DENND5B: variants seen among roughly 807,000 people sequenced by gnomAD.
The protein encoded by DENND5B is DENN domain containing 5B, also known as DENN domain-containing protein 5B.
DENND5B carries 34 observed loss-of-function variants against 140.6 expected under a neutral mutation model. That is an observed-to-expected ratio of 0.24 (90% CI 0.18 to 0.32). The LOEUF is 0.32. Ranked by LOEUF, DENND5B falls within the 10% of genes least tolerant of loss-of-function variation. The pLI, the probability that DENND5B is intolerant of heterozygous loss-of-function variation, is 1.00. For missense variants in DENND5B, 1,142 were observed against 1,560.2 expected, an observed-to-expected ratio of 0.73 and a Z score of 4.52; for synonymous variants, 551 against 562.1, an observed-to-expected ratio of 0.98 and a Z score of 0.28.
At chr12:31,498,986 AAAAAG>A (rs1183362407) in intron 1 of DENND5B, among the ~76,000 whole-genome samples, 2 of 146,486 alleles carry the variant, frequency 1.4e-5, no homozygotes, top group African/African-American at 2.7e-5. Flanking sequence ...AAAAAAAAAA[AAAAAG>A]AGAATTTAGA....
intron 7 of DENND5B, among the ~76,000 whole-genome samples, chr12:31,441,577 G>A (rs1166732411): frequency 1.3e-5 from 2 of 152,006 alleles, no homozygotes; most frequent in African/African-American, 4.8e-5. Flanking sequence ...CAACTCCTGG[G>A]CTCAAGTGAT....
intron 8 of DENND5B, chr12:31,431,967 A>T (rs1943529855): frequency 1.4e-6 from 1 of 717,414 alleles, no homozygotes; most frequent in South Asian, 6.3e-5. Flanking sequence ...GCACTCACAC[A>T]TGTGTAACAT....
chr12:31,469,856 G>A (rs1055435470), intron 3 of DENND5B, among the ~76,000 whole-genome samples: 3 of 152,070 alleles, frequency 2.0e-5, no homozygotes, highest in Non-Finnish European at 4.4e-5. Flanking sequence ...ATGTGATTCT[G>A]GCTCCCCTTC....
intron 1 of DENND5B, among the ~76,000 whole-genome samples, chr12:31,505,442 G>C (rs1227299442): frequency 2.6e-5 from 4 of 151,966 alleles, no homozygotes; most frequent in African/African-American, 9.7e-5. Flanking sequence ...TCATTATTTT[G>C]GCCAGGCTGG....
chr12:31,429,415 A>AT (rs1467903986), intron 8 of DENND5B, among the ~76,000 whole-genome samples: 1 of 151,844 alleles, frequency 6.6e-6, no homozygotes, highest in East Asian at 1.9e-4. Flanking sequence ...TATTATTATT[A>AT]TTTTTTTTCT....
chr12:31,579,913 T>C (rs1013501314), intron 1 of DENND5B, among the ~76,000 whole-genome samples: 1 of 151,564 alleles, frequency 6.6e-6, no homozygotes, highest in Non-Finnish European at 1.5e-5. Flanking sequence ...AGTCAAGCCT[T>C]AGGTAGAACA....
At chr12:31,458,192 AC>A (rs1389749243) in intron 4 of DENND5B, among the ~76,000 whole-genome samples, 1 of 152,212 alleles carries the variant, frequency 6.6e-6, no homozygotes, top group African/African-American at 2.4e-5. Flanking sequence ...GTGGATACAA[AC>A]AGGCATAGAG....
intron 1 of DENND5B, among the ~76,000 whole-genome samples, chr12:31,558,250 A>G (rs1009148859): frequency 6.6e-6 from 1 of 152,106 alleles, no homozygotes; most frequent in Non-Finnish European, 1.5e-5. Context: ...CCTTATACAT[A>G]TATGAATCAG....
chr12:31,480,611 T>C (rs1272986717), intron 2 of DENND5B, among the ~76,000 whole-genome samples: 1 of 152,148 alleles, frequency 6.6e-6, no homozygotes. Flanking sequence ...TTATCTACAA[T>C]AGTTGCTGTA....
chr12:31,508,283 A>G (rs1310267259), intron 1 of DENND5B, among the ~76,000 whole-genome samples: 3 of 152,172 alleles, frequency 2.0e-5, no homozygotes, highest in Non-Finnish European at 2.9e-5. Context: ...GCCAATACAT[A>G]CTATCACCAA....
At chr12:31,387,951 T>C (rs1292878181) in intron 20 of DENND5B, among the ~76,000 whole-genome samples, 165 bp from the exon 21 acceptor site, 1 of 152,108 alleles carries the variant, frequency 6.6e-6, no homozygotes. Flanking sequence ...AGTTGAATAT[T>C]TTCTGGTAAA....
Position 31,413,427 on chromosome 12 carries a change from G to A in DENND5B, c.2681+9C>T, listed in dbSNP as rs1942569557. The A allele has an allele frequency of 6.2e-7, 1 of 1,608,026 alleles. No individual in the cohort carries two copies. The highest frequency in any genetic ancestry group is 1.3e-5 in the African/African-American group (1 of 74,644). On this transcript the variant is annotated intron_variant, in intron 13 of 20. Coordinates refer to ENST00000389082, the MANE Select transcript of DENND5B (RefSeq NM_144973.4). ...TAGAAACAGAAATGTATCAAAGATG[G>A]TATCTTACTTGGTGAGTGGTTGGTT... is the stretch of plus-strand genomic sequence containing the variant.
At chr12:31,438,133 G>A (rs1943860858) in intron 7 of DENND5B, among the ~76,000 whole-genome samples, 1 of 152,092 alleles carries the variant, frequency 6.6e-6, no homozygotes, top group African/African-American at 2.4e-5. Context: ...CAGCCACCGT[G>A]CCCGGCTAAT....
chr12:31,586,856 T>A (rs906146988), intron 1 of DENND5B, among the ~76,000 whole-genome samples: 2 of 152,176 alleles, frequency 1.3e-5, no homozygotes, highest in East Asian at 1.9e-4. Context: ...CAAGGCAAAA[T>A]AGAAACTTGA....
At chr12:31,473,954 TAA>T (rs1945673467) in intron 3 of DENND5B, among the ~76,000 whole-genome samples, 2 of 152,196 alleles carry the variant, frequency 1.3e-5, no homozygotes, top group Admixed American at 1.3e-4. Context: ...CAATGCCCTA[TAA>T]ATACCTCTCA....
At chr12:31,554,335 C>T (rs1949195301) in intron 1 of DENND5B, among the ~76,000 whole-genome samples, 1 of 152,134 alleles carries the variant, frequency 6.6e-6, no homozygotes, top group Non-Finnish European at 1.5e-5. Context: ...CTTAGTTTGG[C>T]TGGATATGAT....
chr12:31,427,475 G>A (rs1332033390), intron 8 of DENND5B, among the ~76,000 whole-genome samples: 2 of 151,878 alleles, frequency 1.3e-5, no homozygotes, highest in African/African-American at 2.4e-5. Context: ...GCGTGGTGGT[G>A]GACGTCTGTA....
chr12:31,426,415 G>C lies in DENND5B; in HGVS notation c.2116C>G (p.Gln706Glu), dbSNP rs1943237874. The stretch of plus-strand genomic sequence containing the variant: ...TTTTTTCCTAAACTTCGTGCCTCTT[G>C]CATATATTTCTAAAAAATCAAGGAG... ...LDNDLREKYM[Q>E]EARSLGKNLR... is the part of the protein sequence containing the mutation. The change falls in exon 9 of 21, where the codon CAA (glutamine) becomes GAA (glutamate). Residue 706 changes from glutamine (Q) to glutamate (E), a missense_variant. Around this residue, in one of 5 missense-constraint regions of DENND5B, gnomAD observed 708 missense variants for 905.5 expected, o/e 0.78. Coordinates refer to ENST00000389082, the MANE Select transcript of DENND5B (RefSeq NM_144973.4). 1 of 1,610,106 alleles carries C rather than the reference G, an allele frequency of 6.2e-7. No individual in the cohort carries two copies. Among genetic ancestry groups the C allele is most frequent in the Admixed American group, 1.7e-5 (1 of 59,294 alleles).
intron 4 of DENND5B, among the ~76,000 whole-genome samples, chr12:31,457,926 G>A (rs538214779): frequency 1.3e-5 from 2 of 152,004 alleles, no homozygotes; most frequent in East Asian, 3.9e-4. Context: ...GTGTTATCCA[G>A]GATGGTCTCG....
Sources: allele counts gnomAD v4.1 joint callset (sites outside exome capture counted in the v4.1 genomes callset), GRCh38; gene constraint gnomAD v4.1.1; regional missense constraint gnomAD v4.1.1; transcripts MANE v1.5; gene names NCBI Gene and HGNC (gene_info 2026-07-23, HGNC 2026-07-21).